The following KIF13A variants were observed in gnomAD, a reference collection of about 807,000 sequenced individuals.
The protein encoded by KIF13A is kinesin-like protein KIF13A.
KIF13A carries 79 observed loss-of-function variants against 212.2 expected under a neutral mutation model. The observed-to-expected ratio is 0.37, with a 90% CI of 0.31 to 0.45. The LOEUF (loss-of-function observed/expected upper bound fraction) is 0.45. KIF13A is among the 20% of genes least tolerant of loss of function. The pLI, the probability that KIF13A is intolerant of heterozygous loss-of-function variation, is 1.00. For synonymous variants in KIF13A, 789 were observed against 808.6 expected (o/e 0.98, Z 0.41); for missense variants, 1,901 against 2,209.0 (o/e 0.86, Z 2.79).
Position 17,824,776 on chromosome 6 carries a change from A to AAAAAC in KIF13A, c.1786+987_1786+991dup, listed in dbSNP as rs1764815988. Among the ~76,000 whole-genome samples the AAAAAC allele has an allele frequency of 2.0e-5, 3 of 148,282 alleles. No individual in the cohort carries two copies. In the South Asian group the frequency reaches 6.4e-4, roughly 32 times the overall value. On this transcript the variant is annotated intron_variant, in intron 16 of 38. Transcript: ENST00000259711. ...ACTCCGTCTCAAAAAAAAAAAAAAA[A>AAAAAC]AAAACAAAACACCAAAATGCTCTTC...
rs1384953995 is a variant in KIF13A, at chr6:17,947,015, C to T, written c.146+40039G>A. Among the ~76,000 whole-genome samples the T allele has an allele frequency of 6.6e-6, 1 of 152,032 alleles. No homozygotes were observed. Among genetic ancestry groups the T allele is most frequent in the Non-Finnish European group, 1.5e-5 (1 of 68,024 alleles). On this transcript the variant is annotated intron_variant, in intron 2 of 38. Transcript: ENST00000259711. This position sits in a 1 kb window ranked among gnomAD's most constrained non-coding sequence, Gnocchi z 4.6. Reference sequence around the variant, plus strand: ...GAATTTTTATTATATGTAAATTATACCTCAATAAAGCTATTTTAAAAACAG... The same window carrying T: ...GAATTTTTATTATATGTAAATTATATCTCAATAAAGCTATTTTAAAAACAG...
In KIF13A at chr6:17,805,503, T is replaced by C. The variant is rs780240346; in HGVS notation, c.2276A>G (p.Tyr759Cys). 6 of 1,613,672 alleles carry C rather than the reference T, an allele frequency of 3.7e-6. No homozygotes were observed. The East Asian group carries it at 1.3e-4, about 36-fold the overall frequency. ...ENKLIDMRDL[Y>C]QEWKEKVPEA... ...AGGAACTTTTTCCTTCCATTCTTGG[T>C]AAAGGTCTCTCATGTCAATTAATTT... is the stretch of plus-strand genomic sequence containing the variant. The change falls in exon 19 of 39, where the codon TAC becomes TGC. Residue 759 changes from tyrosine (Y) to cysteine (C), a missense_variant. Coordinates refer to ENST00000259711, the MANE Select transcript of KIF13A (RefSeq NM_022113.6).
intron 25 of KIF13A, among the ~76,000 whole-genome samples, chr6:17,791,542 A>G (rs1363444199): frequency 2.0e-5 from 3 of 152,194 alleles, no homozygotes; most frequent in Non-Finnish European, 4.4e-5. Context: ...GGAAAGGCTA[A>G]TATTTTAAAG....
rs1774330169 is a variant in KIF13A, at chr6:17,914,447, T to C, written c.147-16267A>G. ...ATATGAGTACATCCACAATAACTAT[T>C]AATTTAACACAATAATGTTTACATG... On this transcript the variant is annotated intron_variant, in intron 2 of 38. Transcript: ENST00000259711. This position sits in a 1 kb window ranked among gnomAD's most constrained non-coding sequence, Gnocchi z 5.9. Among the ~76,000 whole-genome samples the C allele has an allele frequency of 6.6e-6, 1 of 152,236 alleles. No individual in the cohort carries two copies. The highest frequency in any genetic ancestry group is 1.5e-5 in the Non-Finnish European group (1 of 68,044).
rs1276161003 is a variant in KIF13A at position 17,899,016 on chromosome 6, T to C, written c.147-836A>G. On this transcript the variant is annotated intron_variant, in intron 2 of 38. Coordinates refer to ENST00000259711, the MANE Select transcript of KIF13A (RefSeq NM_022113.6). The surrounding 1 kb of genome is among the most constrained non-coding windows in gnomAD (Gnocchi z 5.2). ...ACACCTGGGTAATTTTTTACTTTCT[T>C]AAGAGACACTATGTTGCCCCAGGCT... Among the ~76,000 whole-genome samples the C allele has an allele frequency of 1.3e-5, 2 of 151,992 alleles. No individual in the cohort carries two copies. The highest frequency in any genetic ancestry group is 2.9e-5 in the Non-Finnish European group (2 of 67,986).
intron 3 of KIF13A, among the ~76,000 whole-genome samples, chr6:17,891,023 C>A (rs1045735909): frequency 6.6e-6 from 1 of 152,078 alleles, no homozygotes; most frequent in Non-Finnish European, 1.5e-5. Flanking sequence ...CTCAAAACTA[C>A]AGTCACACTG....
At chr6:17,974,123 C>T (rs1457274952) in intron 2 of KIF13A, among the ~76,000 whole-genome samples, 1 of 152,066 alleles carries the variant, frequency 6.6e-6, no homozygotes, top group Non-Finnish European at 1.5e-5. Flanking sequence ...GCTCTGTCAC[C>T]CAAGCTGGAG....
At chr6:17,807,143 A>T (rs1231861042) in intron 18 of KIF13A, among the ~76,000 whole-genome samples, 1 of 152,160 alleles carries the variant, frequency 6.6e-6, no homozygotes, top group Non-Finnish European at 1.5e-5. Context: ...ACAATATGAA[A>T]TCAGTGCACC....
In KIF13A at chr6:17,987,044, C is replaced by G. The variant is rs1291038101; in HGVS notation, c.146+10G>C. ...GATCCTCCCAGCCGCCCTCTCGGAA[C>G]CCGCTTTACCTTTCTCCCTGTTTGG... On this transcript the variant is annotated intron_variant, in intron 2 of 38. Transcript: ENST00000259711. The surrounding 1 kb of genome is among the most constrained non-coding windows in gnomAD (Gnocchi z 7.7). 31 of 1,610,326 alleles carry G rather than the reference C, an allele frequency of 1.9e-5. No individual in the cohort carries two copies. The highest frequency in any genetic ancestry group is 2.6e-5 in the Non-Finnish European group (31 of 1,176,738).
In KIF13A at chr6:17,850,943, A is replaced by G. The variant is rs1767582804; in HGVS notation, c.583-486T>C. Among the ~76,000 whole-genome samples the G allele has an allele frequency of 6.6e-6, 1 of 152,172 alleles. No homozygotes were observed. The highest frequency in any genetic ancestry group is 1.9e-4 in the East Asian group (1 of 5,188). ...TGGGATCTTATGAAATATTTGCTAA[A>G]TGAACTTTATTTTCTTGCTTTTACA... On this transcript the variant is annotated intron_variant, in intron 7 of 38. Coordinates refer to ENST00000259711, the MANE Select transcript of KIF13A (RefSeq NM_022113.6). The surrounding 1 kb of genome is among the most constrained non-coding windows in gnomAD (Gnocchi z 6.2).
At chr6:17,882,231 CTTG>C in intron 3 of KIF13A, 1 of 354,266 alleles carries the variant, frequency 2.8e-6, no homozygotes, top group Non-Finnish European at 5.7e-6. Context: ...CTAACACCCA[CTTG>C]TTACCTTTTT....
chr6:17,827,148 G>A (rs1255675723), intron 14 of KIF13A, among the ~76,000 whole-genome samples: 24 of 152,172 alleles, frequency 1.6e-4, no homozygotes. Flanking sequence ...AGGCTGGAGT[G>A]CAATGGAGCA....
At chr6:17,979,768 A>G (rs959988642) in intron 2 of KIF13A, among the ~76,000 whole-genome samples, 3 of 146,660 alleles carry the variant, frequency 2.0e-5, no homozygotes, top group African/African-American at 7.4e-5. Context: ...AGATGGTTTG[A>G]AAAAAAAAAA....
intron 12 of KIF13A, among the ~76,000 whole-genome samples, chr6:17,833,486 G>A (rs1041084687): frequency 7.7e-6 from 1 of 129,776 alleles, no homozygotes; most frequent in Non-Finnish European, 1.6e-5. Context: ...GACAGAGGGA[G>A]ACCTTGTCTT....
At chr6:17,782,194 C>G (rs554131039) in intron 29 of KIF13A, among the ~76,000 whole-genome samples, 1 of 151,970 alleles carries the variant, frequency 6.6e-6, no homozygotes, top group East Asian at 2.0e-4. Flanking sequence ...CTCAGCCTCC[C>G]AAAGTGCTGG....
At chr6:17,840,476 A>G (rs1312557196) in intron 9 of KIF13A, among the ~76,000 whole-genome samples, 3 of 152,338 alleles carry the variant, frequency 2.0e-5, no homozygotes, top group East Asian at 1.9e-4. Flanking sequence ...TGTGTGGCAC[A>G]TATTATTTTA....
At chr6:17,975,915 G>C (rs1561828676) in intron 2 of KIF13A, among the ~76,000 whole-genome samples, 1 of 150,810 alleles carries the variant, frequency 6.6e-6, no homozygotes, top group Non-Finnish European at 1.5e-5. Flanking sequence ...TACAATCCTT[G>C]AGCTAGACAT....
Position 17,785,625 on chromosome 6 carries a change from A to G in KIF13A, c.3378T>C (p.Asp1126=). 1 of 1,605,612 alleles carries G rather than the reference A, an allele frequency of 6.2e-7. No individual in the cohort carries two copies. The highest frequency in any genetic ancestry group is 8.5e-7 in the Non-Finnish European group (1 of 1,176,292). The part of the protein sequence containing the change: ...VSNKTEKTED[D]VEREAQLVEQ... ...CCACAAGCTGGGCTTCCCGCTCCAC[A>G]TCGTCCTCTGTTTTCTCTGCAGAAA... Residue 1126 remains aspartate (D), a synonymous_variant, in exon 28 of 39, where the codon GAT becomes GAC. Coordinates refer to ENST00000259711, the MANE Select transcript of KIF13A (RefSeq NM_022113.6). This position sits in a 1 kb window ranked among gnomAD's most constrained non-coding sequence, Gnocchi z 5.8.
At chr6:17,782,141 T>C (rs1337153052) in intron 29 of KIF13A, among the ~76,000 whole-genome samples, 2 of 151,598 alleles carry the variant, frequency 1.3e-5, no homozygotes. Context: ...TTCACCGCGT[T>C]GGCCAGGATG....
Sources: gnomAD v4.1 joint callset for allele counts (sites outside exome capture counted in the v4.1 genomes callset) on GRCh38, gnomAD v4.1.1 for gene constraint, Gnocchi (gnomAD v3.1) non-coding constraint, MANE v1.5 for transcripts, NCBI Gene and HGNC (gene_info 2026-07-23, HGNC 2026-07-21) for gene names.